KHDRBS2: variants seen among roughly 807,000 people sequenced by gnomAD.
KHDRBS2 encodes KH domain-containing, RNA-binding, signal transduction-associated protein 2.
Under a neutral mutation model 44.3 loss-of-function variants are expected in KHDRBS2, and 26 were observed. The observed-to-expected ratio is 0.59, with a 90% CI of 0.43 to 0.81. The LOEUF (loss-of-function observed/expected upper bound fraction) is 0.81. Ranked by LOEUF, KHDRBS2 falls within the 40% of genes least tolerant of loss-of-function variation. The pLI is 0.00. For synonymous variants in KHDRBS2, 194 were observed against 151.1 expected, an observed-to-expected ratio of 1.28 and a Z score of -2.08; for missense variants, 476 against 433.1, an observed-to-expected ratio of 1.10 and a Z score of -0.88.
At chr6:61,782,588 G>T (rs1783106861) in intron 6 of KHDRBS2, among the ~76,000 whole-genome samples, 1 of 150,930 alleles carries the variant, frequency 6.6e-6, no homozygotes, top group Admixed American at 6.6e-5. Flanking sequence ...TTGTGCTCAA[G>T]ATTGTGTATT....
chr6:61,751,287 T>G (rs1245625395), intron 6 of KHDRBS2, among the ~76,000 whole-genome samples: 1 of 152,220 alleles, frequency 6.6e-6, no homozygotes, highest in African/African-American at 2.4e-5. Flanking sequence ...TGTTGATTCC[T>G]ACATAAGGGA....
chr6:61,969,802 G>T (rs2127398517), intron 4 of KHDRBS2, among the ~76,000 whole-genome samples: 1 of 152,004 alleles, frequency 6.6e-6, no homozygotes, highest in South Asian at 2.1e-4. Flanking sequence ...ATATGAATTT[G>T]TGTATTCAAA....
the KHDRBS2 span, among the ~76,000 whole-genome samples, chr6:61,585,525 G>A: frequency 6.6e-6 from 1 of 151,952 alleles, no homozygotes; most frequent in African/African-American, 2.4e-5. Flanking sequence ...AAGATAAGAG[G>A]CTTAGAAAAT....
intron 2 of KHDRBS2, among the ~76,000 whole-genome samples, chr6:62,049,793 CAT>C (rs1201814097): frequency 6.6e-6 from 1 of 152,000 alleles, no homozygotes; most frequent in Admixed American, 6.6e-5. Flanking sequence ...GGAAACAACA[CAT>C]GTTGGTGAGG....
intron 3 of KHDRBS2, among the ~76,000 whole-genome samples, chr6:62,015,602 A>G (rs1781069055): frequency 6.6e-6 from 1 of 152,136 alleles, no homozygotes; most frequent in East Asian, 1.9e-4. Flanking sequence ...CTCCAGACAA[A>G]AACCGAAAAG....
chr6:62,099,802 T>C lies in KHDRBS2; in HGVS notation c.220-51808A>G, dbSNP rs185116564. ...AGGTAGGTCTCAGGACCACCACTCA[T>C]TGACAACACACCTAATCACCCAAGA... On this transcript the variant is annotated intron_variant, in intron 2 of 8. Transcript: ENST00000281156. Among the ~76,000 whole-genome samples, 328 of 152,276 alleles carry C rather than the reference T, an allele frequency of 2.2e-3. 2 individuals carry two copies. The highest frequency in any genetic ancestry group is 7.7e-3 in the African/African-American group (319 of 41,552).
intron 7 of KHDRBS2, among the ~76,000 whole-genome samples, chr6:61,705,447 T>C (rs1428467823): frequency 1.3e-5 from 2 of 151,890 alleles, no homozygotes; most frequent in African/African-American, 4.8e-5. Context: ...ATAACCTTTC[T>C]TATTTAATTG....
At chr6:61,903,659 G>A (rs1316726409) in intron 4 of KHDRBS2, among the ~76,000 whole-genome samples, 1 of 152,222 alleles carries the variant, frequency 6.6e-6, no homozygotes, top group Middle Eastern at 3.4e-3. Context: ...CCACCACACT[G>A]ACTCTGAGAT....
intron 2 of KHDRBS2, among the ~76,000 whole-genome samples, chr6:62,086,036 GAAAC>G (rs931679955): frequency 6.6e-6 from 1 of 152,080 alleles, no homozygotes; most frequent in African/African-American, 2.4e-5. Flanking sequence ...GTGCTAAGTG[GAAAC>G]AAACAAAAGA....
chr6:61,799,473 T>C (rs991599921), intron 6 of KHDRBS2, among the ~76,000 whole-genome samples: 1 of 152,064 alleles, frequency 6.6e-6, no homozygotes, highest in Non-Finnish European at 1.5e-5. Flanking sequence ...GACATCTTAA[T>C]GAAACAAAGT....
chr6:61,648,445 A>G, the KHDRBS2 span, among the ~76,000 whole-genome samples: 1 of 152,156 alleles, frequency 6.6e-6, no homozygotes, highest in Non-Finnish European at 1.5e-5. Context: ...CTACATTATC[A>G]TCATGAGCCT....
At chr6:62,063,213 G>T (rs1217189942) in intron 2 of KHDRBS2, among the ~76,000 whole-genome samples, 8 of 131,756 alleles carry the variant, frequency 6.1e-5, no homozygotes, top group Admixed American at 1.6e-4. Flanking sequence ...CGGAGGAACT[G>T]GTACCATTCC....
intron 6 of KHDRBS2, among the ~76,000 whole-genome samples, chr6:61,774,570 C>G (rs1781608579): frequency 6.6e-6 from 1 of 152,004 alleles, no homozygotes; most frequent in Non-Finnish European, 1.5e-5. Flanking sequence ...AATAAAATAC[C>G]TAGGAATCCA....
chr6:61,798,799 A>T (rs866430152), intron 6 of KHDRBS2, among the ~76,000 whole-genome samples: 3 of 152,022 alleles, frequency 2.0e-5, no homozygotes, highest in Non-Finnish European at 4.4e-5. Flanking sequence ...AAAATGCAAC[A>T]TATTTTTATA....
Position 61,728,927 on chromosome 6 carries a change from CA to C in KHDRBS2, c.893+3754del, listed in dbSNP as rs535982822. Among the ~76,000 whole-genome samples the C allele has an allele frequency of 1.6e-3, 242 of 152,186 alleles. 1 individual carries two copies. The highest frequency in any genetic ancestry group is 3.3e-3 in the Non-Finnish European group (222 of 68,014). On this transcript the variant is annotated intron_variant, in intron 7 of 8. Transcript: ENST00000281156. ...TGTGGAAGACAATGTAATGATTCTT[CA>C]AAGACCTAAAGCCATAAATACCATT...
chr6:61,821,922 C>T (rs1407260637), intron 6 of KHDRBS2, among the ~76,000 whole-genome samples: 2 of 151,848 alleles, frequency 1.3e-5, no homozygotes, highest in Non-Finnish European at 2.9e-5. Context: ...ATAAAAATGT[C>T]TTCATTTATG....
chr6:62,181,126 T>C (rs1822198953), intron 1 of KHDRBS2, among the ~76,000 whole-genome samples: 1 of 151,652 alleles, frequency 6.6e-6, no homozygotes, highest in Non-Finnish European at 1.5e-5. Flanking sequence ...CTTCTTGACA[T>C]TGGTGTGGGG....
At chr6:62,084,007 T>G (rs1223169556) in intron 2 of KHDRBS2, among the ~76,000 whole-genome samples, 1 of 152,202 alleles carries the variant, frequency 6.6e-6, no homozygotes, top group Non-Finnish European at 1.5e-5. Context: ...CATTTCTAAT[T>G]TTCATACGTT....
chr6:61,798,183 A>G (rs369216903), intron 6 of KHDRBS2, among the ~76,000 whole-genome samples: 3 of 152,260 alleles, frequency 2.0e-5, no homozygotes, highest in East Asian at 1.9e-4. Flanking sequence ...TCATGCCACA[A>G]TTAGTGAAAA....
Sources: gnomAD v4.1 joint callset for allele counts (sites outside exome capture counted in the v4.1 genomes callset) on GRCh38, gnomAD v4.1.1 for gene constraint, MANE v1.5 for transcripts, NCBI Gene and HGNC (gene_info 2026-07-23, HGNC 2026-07-21) for gene names.